PHACTR1: variants seen among roughly 807,000 people sequenced by gnomAD.
PHACTR1 encodes RPEL repeat containing 1.
Under a neutral mutation model 69.2 loss-of-function variants are expected in PHACTR1, and 16 were observed. The ratio of observed to expected loss-of-function variants is 0.23; its 90% CI spans 0.16 to 0.35. PHACTR1 has a LOEUF of 0.35. Among genes scored for constraint, PHACTR1 ranks in the 10% least tolerant of loss-of-function variants. PHACTR1 has a pLI of 1.00. For synonymous variants in PHACTR1, 312 were observed against 284.5 expected (o/e 1.10, Z -0.97); for missense variants, 510 against 734.7 (o/e 0.69, Z 3.54).
intron 4 of PHACTR1, among the ~76,000 whole-genome samples, chr6:12,779,604 G>A (rs879074694): frequency 1.3e-5 from 2 of 151,944 alleles, no homozygotes; most frequent in Admixed American, 1.3e-4. Context: ...TAATTTCATG[G>A]CAATCTTCCC....
chr6:12,827,316 C>T (rs991809726), intron 4 of PHACTR1, among the ~76,000 whole-genome samples: 1 of 152,072 alleles, frequency 6.6e-6, no homozygotes, highest in African/African-American at 2.4e-5. Flanking sequence ...AAATCCATTG[C>T]AAAAATGATG....
intron 4 of PHACTR1, among the ~76,000 whole-genome samples, chr6:12,772,884 A>T (rs1346244041): frequency 6.6e-6 from 1 of 152,226 alleles, no homozygotes. Context: ...GTTGAATCGC[A>T]GACAAGTGTT....
intron 4 of PHACTR1, among the ~76,000 whole-genome samples, chr6:12,934,708 C>T (rs1486888556): frequency 5.3e-5 from 8 of 151,996 alleles, no homozygotes; most frequent in East Asian, 1.9e-4. Context: ...TGGTAGCACG[C>T]GCCTGTAATC....
At chr6:12,955,602 C>T (rs1157633798) in intron 4 of PHACTR1, among the ~76,000 whole-genome samples, 1 of 152,120 alleles carries the variant, frequency 6.6e-6, no homozygotes, top group Non-Finnish European at 1.5e-5. Flanking sequence ...CTGCATCCTC[C>T]TCCCATTACT....
At chr6:12,765,500 A>C (rs770402207) in intron 4 of PHACTR1, among the ~76,000 whole-genome samples, 1 of 152,238 alleles carries the variant, frequency 6.6e-6, no homozygotes, top group Non-Finnish European at 1.5e-5. Context: ...GTCCATCTTT[A>C]GACCAAACTT....
intron 7 of PHACTR1, among the ~76,000 whole-genome samples, chr6:13,187,200 G>C (rs1210820903): frequency 6.6e-6 from 1 of 152,220 alleles, no homozygotes; most frequent in Non-Finnish European, 1.5e-5. Context: ...CCGCGGACCA[G>C]TACAGGTTCA....
At chr6:13,243,949 A>G (rs138203638) in intron 10 of PHACTR1, among the ~76,000 whole-genome samples, 2,730 of 152,272 alleles carry the variant, frequency 0.018, 80 homozygotes, top group African/African-American at 0.061. Flanking sequence ...TTATGGCTGC[A>G]TAGTATTCCA....
At chr6:13,128,289 TAA>T (rs58481010) in intron 5 of PHACTR1, among the ~76,000 whole-genome samples, 4 of 138,510 alleles carry the variant, frequency 2.9e-5, no homozygotes. Flanking sequence ...GGATCCAAAC[TAA>T]AAAAAAAATC....
At chr6:12,779,452 A>G (rs1160649201) in intron 4 of PHACTR1, among the ~76,000 whole-genome samples, 3 of 133,160 alleles carry the variant, frequency 2.3e-5, no homozygotes, top group East Asian at 1.9e-4. Flanking sequence ...TCGTAATGTC[A>G]TATTTACTTC....
At chr6:13,058,501 A>G (rs905229856) in intron 5 of PHACTR1, among the ~76,000 whole-genome samples, 28 of 152,226 alleles carry the variant, frequency 1.8e-4, no homozygotes, top group African/African-American at 6.0e-4. Context: ...CTCTGGGTAT[A>G]TAGCCATGAG....
Position 12,965,905 on chromosome 6 carries a change from C to T in PHACTR1, c.251-87460C>T, listed in dbSNP as rs527287412. Among the ~76,000 whole-genome samples the T allele has an allele frequency of 3.3e-5, 5 of 152,216 alleles. No individual in the cohort carries two copies. In the East Asian group the frequency reaches 9.6e-4, roughly 29 times the overall value. ...AGGCTTGGAGAAATAAGAAACTTGT[C>T]GGAAGCTGCACAGCTAGCATGAACT... On this transcript the variant is annotated intron_variant, in intron 4 of 14. Transcript: ENST00000332995.
intron 5 of PHACTR1, among the ~76,000 whole-genome samples, chr6:13,095,016 C>G (rs1332612635): frequency 6.6e-6 from 1 of 152,124 alleles, no homozygotes; most frequent in African/African-American, 2.4e-5. Context: ...GCTTGCTAGC[C>G]TAGTGTCTCT....
chr6:12,992,073 T>G (rs923781334), intron 4 of PHACTR1, among the ~76,000 whole-genome samples: 1 of 152,026 alleles, frequency 6.6e-6, no homozygotes, highest in African/African-American at 2.4e-5. Context: ...ACCACTGACT[T>G]AAAGGAAGCT....
At chr6:13,117,517 T>C (rs1202115262) in intron 5 of PHACTR1, among the ~76,000 whole-genome samples, 2 of 152,198 alleles carry the variant, frequency 1.3e-5, no homozygotes, top group African/African-American at 4.8e-5. Flanking sequence ...CCCATCACCA[T>C]CTGACCTGCT....
chr6:13,158,573 T>C (rs1353513977), intron 5 of PHACTR1, among the ~76,000 whole-genome samples: 2 of 152,224 alleles, frequency 1.3e-5, no homozygotes, highest in Admixed American at 1.3e-4. Context: ...ATTTTTAAAA[T>C]AGTAAGTTCC....
At chr6:13,278,234 T>G (rs1380115721) in intron 11 of PHACTR1, 34 bp from the exon 12 acceptor site, 1 of 1,552,392 alleles carries the variant, frequency 6.4e-7, no homozygotes, top group South Asian at 1.2e-5. Context: ...CACTGTTTAC[T>G]GAAATAAAAA....
intron 4 of PHACTR1, among the ~76,000 whole-genome samples, chr6:12,765,709 C>T (rs1229223573): frequency 6.6e-6 from 1 of 152,080 alleles, no homozygotes; most frequent in Non-Finnish European, 1.5e-5. Context: ...ATCTAGAGAC[C>T]TGATGTTCTC....
At chr6:12,788,495 T>A (rs1361485821) in intron 4 of PHACTR1, among the ~76,000 whole-genome samples, 1 of 152,222 alleles carries the variant, frequency 6.6e-6, no homozygotes, top group Non-Finnish European at 1.5e-5. Flanking sequence ...TGAGAATATA[T>A]TGGGCTGTAA....
chr6:13,125,389 G>C (rs1231187022), intron 5 of PHACTR1, among the ~76,000 whole-genome samples: 1 of 151,212 alleles, frequency 6.6e-6, no homozygotes, highest in Non-Finnish European at 1.5e-5. Context: ...TATGTAGCTT[G>C]ATTTTATCTG....
Sources: gnomAD v4.1 joint callset for allele counts (sites outside exome capture counted in the v4.1 genomes callset) on GRCh38, gnomAD v4.1.1 for gene constraint, MANE v1.5 for transcripts, NCBI Gene and HGNC (gene_info 2026-07-23, HGNC 2026-07-21) for gene names.